Variants in RBBP8 observed in about 807,000 individuals in gnomAD.
RBBP8 encodes the protein RB binding protein 8, endonuclease, also known as DNA endonuclease RBBP8.
RBBP8 carries 88 observed loss-of-function variants against 108.3 expected under a neutral mutation model. The ratio of observed to expected loss-of-function variants is 0.81; its 90% CI spans 0.68 to 0.97. RBBP8 has a LOEUF of 0.97. RBBP8 is among the 50% of genes least tolerant of loss of function. RBBP8 has a pLI of 0.00. For synonymous variants in RBBP8, 332 were observed against 348.2 expected (o/e 0.95, Z 0.52); for missense variants, 1,023 against 1,049.0 (o/e 0.98, Z 0.34).
At chr18:23,015,756 A>AG (rs1412658588) in intron 16 of RBBP8, among the ~76,000 whole-genome samples, 2 of 152,152 alleles carry the variant, frequency 1.3e-5, no homozygotes, top group African/African-American at 4.8e-5. Context: ...ATGTAAAAAA[A>AG]ATCAGTTGAC....
At chr18:22,985,525 C>G (rs746115752) in intron 8 of RBBP8, among the ~76,000 whole-genome samples, 2 of 151,916 alleles carry the variant, frequency 1.3e-5, no homozygotes, top group African/African-American at 2.4e-5. Context: ...AGTGAAGATG[C>G]CATTTGGTTT....
chr18:22,991,586 C>T (rs1217060114), intron 10 of RBBP8, among the ~76,000 whole-genome samples: 6 of 152,180 alleles, frequency 3.9e-5, no homozygotes, highest in Admixed American at 1.3e-4. Context: ...GCATATCCTC[C>T]TGTATATTTT....
intron 17 of RBBP8, among the ~76,000 whole-genome samples, chr18:23,018,376 T>C (rs957674266): frequency 2.6e-5 from 4 of 152,060 alleles, no homozygotes; most frequent in Non-Finnish European, 4.4e-5. Flanking sequence ...CTAAACAAGA[T>C]ATAATGAATA....
chr18:23,007,466 A>G (rs2046074357), intron 16 of RBBP8, among the ~76,000 whole-genome samples: 2 of 151,728 alleles, frequency 1.3e-5, no homozygotes, highest in African/African-American at 2.4e-5. Context: ...GCACTTTGGG[A>G]GGCCCAGGCG....
chr18:22,971,641 CTTTTT>C (rs919907678), intron 5 of RBBP8, among the ~76,000 whole-genome samples: 1 of 109,276 alleles, frequency 9.2e-6, no homozygotes, highest in Non-Finnish European at 1.8e-5. Flanking sequence ...TGTTTAATTT[CTTTTT>C]TTTTTTTTTT....
At chr18:22,979,272 T>G (rs1321390644) in intron 6 of RBBP8, among the ~76,000 whole-genome samples, 2 of 152,098 alleles carry the variant, frequency 1.3e-5, no homozygotes, top group Non-Finnish European at 2.9e-5. Flanking sequence ...CTCAAAAACA[T>G]AAAATAAAAT....
At chr18:22,929,521 C>A (rs1386237643), upstream of RBBP8, 1 of 42,052 alleles carries the variant, frequency 2.4e-5, no homozygotes, top group Non-Finnish European at 5.0e-5. Flanking sequence ...AAGAGACAGG[C>A]GGGTGTGTGT....
At chr18:22,971,044 A>G (rs1914036990) in intron 5 of RBBP8, among the ~76,000 whole-genome samples, 1 of 152,148 alleles carries the variant, frequency 6.6e-6, no homozygotes, top group Admixed American at 6.5e-5. Flanking sequence ...TTACTGTCTC[A>G]CAGTCAAAAG....
chr18:22,955,773 G>T (rs138645370), intron 4 of RBBP8, among the ~76,000 whole-genome samples: 4,078 of 152,080 alleles, frequency 0.027, 86 homozygotes, highest in East Asian at 0.083. Flanking sequence ...GTAGAGACGG[G>T]TTTTCACTGT....
At chr18:23,015,860 C>T (rs925698052) in intron 16 of RBBP8, among the ~76,000 whole-genome samples, 25 of 152,220 alleles carry the variant, frequency 1.6e-4, no homozygotes, top group African/African-American at 5.3e-4. Context: ...ACTGTAGCTT[C>T]GTATATTTTC....
At chr18:22,965,625 A>T (rs1913517435) in intron 4 of RBBP8, among the ~76,000 whole-genome samples, 1 of 151,966 alleles carries the variant, frequency 6.6e-6, no homozygotes, top group Non-Finnish European at 1.5e-5. Context: ...CAGACCAGAC[A>T]CTCTCTGTTT....
In RBBP8 at chr18:23,001,699, G is replaced by T. The variant is rs774631370; in HGVS notation, c.2257G>T (p.Glu753Ter). 2 of 1,613,870 alleles carry T rather than the reference G, an allele frequency of 1.2e-6. No homozygotes were observed. Among genetic ancestry groups the T allele is most frequent in the South Asian group, 1.1e-5 (1 of 91,072 alleles). ...CTCCCAAGCAGCAGATGAAGAGGAG[G>T]AATTGTCTACTGCCACAAAGAAACT... ...SFSQAADEEEELSTATKKLHT... is the reference protein window; with the variant it reads ...SFSQAADEEE Residue 753 changes from glutamate (E) to a stop codon, truncating the protein, a stop_gained, in exon 15 of 19, where the codon GAA (glutamate) becomes TAA (stop). Transcript: ENST00000327155. LOFTEE classifies it high-confidence loss of function.
intron 17 of RBBP8, among the ~76,000 whole-genome samples, chr18:23,020,274 A>C (rs1325895764): frequency 2.6e-5 from 4 of 151,890 alleles, no homozygotes; most frequent in Non-Finnish European, 5.9e-5. Context: ...TACAAATATT[A>C]GCTGAGCGTG....
intron 2 of RBBP8, among the ~76,000 whole-genome samples, chr18:22,939,687 T>G (rs988320009): frequency 1.5e-4 from 23 of 152,244 alleles, no homozygotes; most frequent in African/African-American, 5.3e-4. Flanking sequence ...AAATGTTTTT[T>G]GGGCACTTAC....
chr18:22,939,423 CTTGAACCCAGGAGAATCGT>C (rs1246105859), intron 2 of RBBP8, among the ~76,000 whole-genome samples: 1 of 152,092 alleles, frequency 6.6e-6, no homozygotes, highest in African/African-American at 2.4e-5. Flanking sequence ...AGGAGAATCG[CTTGAACCCAGGAGAATCGT>C]TTGAACCCAG....
intron 1 of RBBP8, among the ~76,000 whole-genome samples, chr18:22,936,486 A>G (rs1320079543): frequency 6.6e-6 from 1 of 152,222 alleles, no homozygotes; most frequent in African/African-American, 2.4e-5. Context: ...TTTCTGTTTA[A>G]TATAATTGAG....
intron 5 of RBBP8, among the ~76,000 whole-genome samples, chr18:22,973,688 T>G (rs1429223703): frequency 6.6e-6 from 1 of 152,228 alleles, no homozygotes; most frequent in Admixed American, 6.5e-5. Context: ...TTTTAATTTC[T>G]TAACCTGCTA....
intron 16 of RBBP8, among the ~76,000 whole-genome samples, chr18:23,010,058 C>T (rs1450357782): frequency 6.6e-6 from 1 of 152,104 alleles, no homozygotes; most frequent in Non-Finnish European, 1.5e-5. Flanking sequence ...CTGCACCTGG[C>T]CTGCTTTTTT....
intron 7 of RBBP8, 143 bp downstream of exon 7, chr18:22,982,536 G>A (rs1309561601): frequency 1.3e-6 from 2 of 1,497,660 alleles, no homozygotes; most frequent in African/African-American, 2.8e-5. Flanking sequence ...ACTTCTATTT[G>A]TAAAGTGACT....
Sources: gnomAD v4.1 joint callset for allele counts (sites outside exome capture counted in the v4.1 genomes callset) on GRCh38, gnomAD v4.1.1 for gene constraint, MANE v1.5 for transcripts, NCBI Gene and HGNC (gene_info 2026-07-23, HGNC 2026-07-21) for gene names.